Variants in FLT4 observed in about 807,000 individuals in gnomAD.
The protein encoded by FLT4 is vascular endothelial growth factor receptor 3.
In FLT4, 30 loss-of-function variants were observed where a neutral mutation model predicts 163.2. The ratio of observed to expected loss-of-function variants is 0.18; its 90% confidence interval spans 0.14 to 0.25. FLT4 has a LOEUF of 0.25. FLT4 is among the 10% of genes least tolerant of loss of function. The probability of loss-of-function intolerance (pLI) is 1.00; values close to 1 mark genes in which losing one functional copy is unlikely to be tolerated. For missense variants in FLT4, 1,510 were observed against 1,863.8 expected, an observed-to-expected ratio of 0.81 and a Z score of 3.50; for synonymous variants, 884 against 789.5, an observed-to-expected ratio of 1.12 and a Z score of -2.01.
In FLT4 at chr5:180,613,049, G is replaced by T; in HGVS notation, c.3393C>A (p.Gly1131=). 6.2e-7 allele frequency: 1 copy of T among 1,613,612 alleles called. No homozygotes were observed. ...CCAGCTCCGGGGCCCTCATCCTTGT[G>T]CCGTCTCTCAGCCGCTGGCAGAACT... ...NEEFCQRLRD[G]TRMRAPELAT... The change falls in exon 25 of 30, where the codon GGC becomes GGA. Residue 1131 remains glycine, a synonymous_variant. Transcript: ENST00000261937.
At chr5:180,603,623 C>T (rs1328089704) in intron 29 of FLT4, among the ~76,000 whole-genome samples, 1 of 152,128 alleles carries the variant, frequency 6.6e-6, no homozygotes, top group Non-Finnish European at 1.5e-5. Flanking sequence ...TGCTTGAGGC[C>T]GGGTGCGGTG....
chr5:180,610,893 TA>T lies in FLT4; in HGVS notation c.3686+437del, dbSNP rs1762121167. Among the ~76,000 whole-genome samples, 17 of 152,216 alleles carry T rather than the reference TA, an allele frequency of 1.1e-4. No individual in the cohort carries two copies. The South Asian group carries it at 3.5e-3, about 32-fold the overall frequency. ...TAACACGGTGAAACCCCGTCTCTAC[TA>T]AAAATACAAAAAATTAGCCAGGCGT... On this transcript the variant is annotated intron_variant, in intron 27 of 29. Transcript: ENST00000261937.
chr5:180,613,158 C>A, intron 24 of FLT4, 48 bp from the exon 25 acceptor site: 1 of 1,387,478 alleles, frequency 7.2e-7, no homozygotes, highest in Non-Finnish European at 1.0e-6. Context: ...TCCTGCGGCT[C>A]AGCCCAGCCC....
At chr5:180,619,850 A>G (rs1581644317) in intron 17 of FLT4, 81 bp from the exon 18 acceptor site, 1 of 1,050,926 alleles carries the variant, frequency 9.5e-7, no homozygotes, top group Non-Finnish European at 1.5e-6. Context: ...AGCCCCGTGC[A>G]GAGGTCCAGG....
intron 1 of FLT4, among the ~76,000 whole-genome samples, chr5:180,647,081 T>C (rs1426080904): frequency 6.6e-6 from 1 of 152,186 alleles, no homozygotes; most frequent in Admixed American, 6.5e-5. Flanking sequence ...ATCTGGGCCT[T>C]TGTGACCCAG....
At chr5:180,618,619 T>C (rs1010147170) in intron 21 of FLT4, 151 bp downstream of exon 21, 9 of 778,158 alleles carry the variant, frequency 1.2e-5, no homozygotes, top group Admixed American at 5.2e-5. Flanking sequence ...GTGTGAAAAT[T>C]GTCCCCGAGG....
intron 19 of FLT4, 26 bp downstream of exon 19, chr5:180,619,227 G>T: frequency 1.3e-6 from 2 of 1,548,032 alleles, no homozygotes; most frequent in Non-Finnish European, 8.7e-7. Flanking sequence ...GGGTCTCGCC[G>T]TCCCAGCGGG....
chr5:180,615,154 GGTCA>G (rs1561703968), intron 23 of FLT4, among the ~76,000 whole-genome samples: 2 of 147,972 alleles, frequency 1.4e-5, no homozygotes, highest in Non-Finnish European at 3.0e-5. Context: ...CGGCCCCGCT[GGTCA>G]CCTCCCTTCT....
chr5:180,627,705 T>G (rs984348132), intron 8 of FLT4, among the ~76,000 whole-genome samples: 1 of 152,156 alleles, frequency 6.6e-6, no homozygotes. Context: ...GGCAGCTGCC[T>G]GAGGACTGGG....
At chr5:180,647,806 T>C (rs1225212333) in intron 1 of FLT4, among the ~76,000 whole-genome samples, 1 of 152,068 alleles carries the variant, frequency 6.6e-6, no homozygotes, top group African/African-American at 2.4e-5. Flanking sequence ...TAATGCCCTC[T>C]CTCCTCTTCA....
chr5:180,643,373 G>T (rs1365080506), intron 1 of FLT4, among the ~76,000 whole-genome samples: 1 of 152,196 alleles, frequency 6.6e-6, no homozygotes, highest in Admixed American at 6.5e-5. Context: ...TCACCATCCT[G>T]ACAGCAGCTT....
At chr5:180,605,725 G>A (rs1003203508) in intron 29 of FLT4, among the ~76,000 whole-genome samples, 1 of 152,300 alleles carries the variant, frequency 6.6e-6, no homozygotes, top group African/African-American at 2.4e-5. Context: ...GCCACCAGGG[G>A]CCAGCTAGTC....
chr5:180,630,009 G>A lies in FLT4; in HGVS notation c.610C>T (p.Leu204=). ...TCTCCCCAGGTGGTCTCGCACTGCA[G>A]GTACAGGGCATCGTGCAGCAGTGGC... ...STPLLHDALY[L]QCETTWGDQD... The change falls in exon 5 of 30, where the codon CTG becomes TTG. Residue 204 remains leucine, a synonymous_variant. Coordinates refer to ENST00000261937, the MANE Select transcript of FLT4 (RefSeq NM_182925.5). The surrounding 1 kb of genome is among the most constrained non-coding windows in gnomAD (Gnocchi z 6.3). 4 of 1,612,830 alleles carry A rather than the reference G, an allele frequency of 2.5e-6. No homozygotes were observed. In the South Asian group the frequency reaches 3.3e-5, roughly 13 times the overall value.
At chr5:180,634,436 C>T (rs1764398503) in intron 1 of FLT4, among the ~76,000 whole-genome samples, 1 of 152,130 alleles carries the variant, frequency 6.6e-6, no homozygotes, top group South Asian at 2.1e-4. Context: ...GGCGTGGTGG[C>T]TCACGCCTGT....
chr5:180,604,397 C>T (rs1264858366), intron 29 of FLT4, among the ~76,000 whole-genome samples: 1 of 152,224 alleles, frequency 6.6e-6, no homozygotes, highest in Non-Finnish European at 1.5e-5. Flanking sequence ...CCGTGCATCT[C>T]CATTCCTGGC....
chr5:180,618,773 C>T lies in FLT4; in HGVS notation c.2998G>A (p.Glu1000Lys), dbSNP rs1189736923. 6.3e-7 allele frequency: 1 copy of T among 1,589,074 alleles called. No individual in the cohort carries two copies. Among genetic ancestry groups the T allele is most frequent in the East Asian group, 2.3e-5 (1 of 43,284 alleles). ...GGARRASPDQ[E>K]AEDLWLSPLT... ...AGGGAAGAGGCCAGGCTCTCACCTT[C>T]TTGGTCTGGAGAAGCCCGCCTCGCT... Residue 1000 changes from glutamate (E) to lysine (K), a missense_variant, in exon 21 of 30, where the codon GAA becomes AAA. Glu to Lys is a moderately conservative substitution (Grantham distance 56). This residue lies in a region of FLT4 where 878 missense variants were observed against 1,016.7 expected (regional missense o/e 0.86). Coordinates refer to ENST00000261937, the MANE Select transcript of FLT4 (RefSeq NM_182925.5).
rs775336145 is a variant in FLT4, at chr5:180,633,130, C to T, written c.59-1352G>A. ...TCCTTGACCCCAAGCCACCCTGGGA[C>T]GCAGCACCAGGACGGCACCTGCTGC... is the stretch of plus-strand genomic sequence containing the variant. On this transcript the variant is annotated intron_variant, in intron 1 of 29. Coordinates refer to ENST00000261937, the MANE Select transcript of FLT4 (RefSeq NM_182925.5). Among the ~76,000 whole-genome samples, 23 of 152,146 alleles carry T rather than the reference C, an allele frequency of 1.5e-4. 1 individual carries two copies. Among genetic ancestry groups the T allele is most frequent in the East Asian group, 1.9e-4 (1 of 5,184 alleles).
At position 180,621,773 on chromosome 5, in the gene FLT4, T is replaced by C; in HGVS notation, c.1789A>G (p.Thr597Ala). The change falls in exon 13 of 30, where the codon ACG becomes GCG. Residue 597 changes from threonine (T) to alanine (A), a missense_variant. This residue lies in a region of FLT4 where 878 missense variants were observed against 1,016.7 expected (regional missense o/e 0.86). Coordinates refer to ENST00000261937, the MANE Select transcript of FLT4 (RefSeq NM_182925.5). ...HLRWYRLNLS[T>A]LHDAHGNPLL... ...GGGTTCCCGTGCGCATCGTGCAGCG[T>C]GGACAGGTTGAGGCGGTACCAGCGC... 6.2e-7 allele frequency: 1 copy of C among 1,613,322 alleles called. No individual in the cohort carries two copies. The highest frequency in any genetic ancestry group is 1.7e-4 in the Middle Eastern group (1 of 6,058).
At position 180,623,587 on chromosome 5, in the gene FLT4, C is replaced by T. The variant is rs934244810; in HGVS notation, c.1548+348G>A. ...CGGCGTTGCCCCCAGGCTGCGCCAG[C>T]GGCTCAGCAGCCCTCTGTGCAGACC... On this transcript the variant is annotated intron_variant, in intron 11 of 29. Coordinates refer to ENST00000261937, the MANE Select transcript of FLT4 (RefSeq NM_182925.5). The surrounding 1 kb of genome is among the most constrained non-coding windows in gnomAD (Gnocchi z 5.8). 2.6e-5 allele frequency among the ~76,000 whole-genome samples: 4 copies of T among 152,178 alleles called. No individual in the cohort carries two copies. Among genetic ancestry groups the T allele is most frequent in the African/African-American group, 4.8e-5 (2 of 41,456 alleles).
Sources: allele counts gnomAD v4.1 joint callset (sites outside exome capture counted in the v4.1 genomes callset), GRCh38; gene constraint gnomAD v4.1.1; regional missense constraint gnomAD v4.1.1; non-coding constraint Gnocchi (gnomAD v3.1); transcripts MANE v1.5; gene names NCBI Gene and HGNC (gene_info 2026-07-23, HGNC 2026-07-21).